AKAP13: variants seen among roughly 807,000 people sequenced by gnomAD.
The protein encoded by AKAP13 is A-kinase anchor protein 13.
AKAP13 carries 80 observed loss-of-function variants against 264.5 expected under a neutral mutation model. The ratio of observed to expected loss-of-function variants is 0.30; its 90% confidence interval spans 0.25 to 0.36. AKAP13 has a LOEUF of 0.36. AKAP13 is among the 10% of genes least tolerant of loss of function. The pLI is 1.00. For missense variants in AKAP13, 3,712 were observed against 3,435.2 expected (o/e 1.08, Z -2.01); for synonymous variants, 1,380 against 1,250.2 (o/e 1.10, Z -2.19).
At chr15:85,487,821 TC>T (rs2075605974) in intron 2 of AKAP13, among the ~76,000 whole-genome samples, 1 of 151,930 alleles carries the variant, frequency 6.6e-6, no homozygotes, top group African/African-American at 2.4e-5. Context: ...ATCGTGGAAC[TC>T]CTGGGATCAA....
intron 2 of AKAP13, among the ~76,000 whole-genome samples, chr15:85,500,212 C>G (rs1365284882): frequency 6.6e-6 from 1 of 152,100 alleles, no homozygotes; most frequent in African/African-American, 2.4e-5. Flanking sequence ...CTAAGAGGTG[C>G]TCTCCTAGTG....
At chr15:85,661,538 G>A (rs1254504147) in intron 12 of AKAP13, among the ~76,000 whole-genome samples, 1 of 152,020 alleles carries the variant, frequency 6.6e-6, no homozygotes, top group East Asian at 1.9e-4. Context: ...GACCAACATG[G>A]TGAAAGCCCA....
At position 85,442,456 on chromosome 15, in the gene AKAP13, A is replaced by G. The variant is rs113014493; in HGVS notation, c.-11-43254A>G. 2.4e-5 allele frequency among the ~76,000 whole-genome samples: 3 copies of G among 124,452 alleles called. No homozygotes were observed. The Admixed American group carries it at 2.6e-4, about 11-fold the overall frequency. 81.6% of individuals were successfully genotyped at this position (124,452 alleles called of 152,430 possible). A position where few individuals can be genotyped will look rare whatever the true frequency, so the allele number is the denominator to read the frequency against. ...TATATATAATATAAAATATACATAT[A>G]TAATATACATAATATATATTATATA... is the stretch of plus-strand genomic sequence containing the variant. On this transcript the variant is annotated intron_variant, in intron 1 of 36. Coordinates refer to ENST00000394518, the MANE Select transcript of AKAP13 (RefSeq NM_007200.5).
intron 8 of AKAP13, among the ~76,000 whole-genome samples, chr15:85,595,212 A>G (rs1596644859): frequency 6.6e-6 from 1 of 152,020 alleles, no homozygotes; most frequent in Admixed American, 6.6e-5. Context: ...TGATACTCCC[A>G]CCTCAGCCTC....
intron 8 of AKAP13, among the ~76,000 whole-genome samples, chr15:85,592,376 A>G (rs1465109406): frequency 6.6e-6 from 1 of 152,194 alleles, no homozygotes; most frequent in Non-Finnish European, 1.5e-5. Context: ...GACAGCCTCT[A>G]GGCTATTTGG....
intron 33 of AKAP13, 78 bp from the exon 34 acceptor site, chr15:85,740,144 T>A: frequency 7.0e-7 from 1 of 1,435,758 alleles, no homozygotes; most frequent in African/African-American, 1.4e-5. Flanking sequence ...AGCCATCTTA[T>A]CAGGTAAACA....
At chr15:85,498,846 C>T (rs530376743) in intron 2 of AKAP13, among the ~76,000 whole-genome samples, 95 of 152,256 alleles carry the variant, frequency 6.2e-4, no homozygotes, top group African/African-American at 2.2e-3. Context: ...CAGGTGTTTA[C>T]GCCCCATCTC....
At chr15:85,546,119 A>G (rs1307642264) in intron 5 of AKAP13, among the ~76,000 whole-genome samples, 1 of 152,156 alleles carries the variant, frequency 6.6e-6, no homozygotes, top group Admixed American at 6.5e-5. Flanking sequence ...AATGTCCTCA[A>G]GGTTCACCCA....
chr15:85,658,214 G>A (rs1415064372), intron 11 of AKAP13, among the ~76,000 whole-genome samples: 1 of 152,140 alleles, frequency 6.6e-6, no homozygotes, highest in African/African-American at 2.4e-5. Flanking sequence ...AGTATAACCT[G>A]AATTTTAAAG....
intron 8 of AKAP13, among the ~76,000 whole-genome samples, chr15:85,591,629 TAAGTTCAGAAA>T (rs147847566): frequency 0.75 from 112,920 of 151,128 alleles, 42,796 homozygotes; most frequent in African/African-American, 0.89. Context: ...ATTGAATACT[TAAGTTCAGAAA>T]AAGTTCAGAA....
intron 3 of AKAP13, among the ~76,000 whole-genome samples, chr15:85,525,122 G>C (rs1454398293): frequency 2.0e-5 from 3 of 147,546 alleles, no homozygotes; most frequent in African/African-American, 7.6e-5. Flanking sequence ...GCAGTGGCGC[G>C]ATCTCGGCTC....
rs138652758 is a variant in AKAP13, at chr15:85,447,439, C to T, written c.-11-38271C>T. On this transcript the variant is annotated intron_variant, in intron 1 of 36. Coordinates refer to ENST00000394518, the MANE Select transcript of AKAP13 (RefSeq NM_007200.5). The stretch of plus-strand genomic sequence containing the variant: ...TTGCTACACAGATAAACACATGTCA[C>T]GGGTGTTTGTTTTACATATTATTAC... Among the ~76,000 whole-genome samples the T allele has an allele frequency of 2.9e-3, 440 of 152,036 alleles. 2 individuals are homozygous for T. The highest frequency in any genetic ancestry group is 1.0e-2 in the African/African-American group (413 of 41,434).
intron 1 of AKAP13, among the ~76,000 whole-genome samples, chr15:85,418,050 A>T (rs1309098620): frequency 3.5e-5 from 5 of 143,438 alleles, no homozygotes; most frequent in Admixed American, 1.4e-4. Flanking sequence ...TTCATTATTT[A>T]TTATTATTAT....
chr15:85,472,459 T>C (rs1051495415), intron 1 of AKAP13, among the ~76,000 whole-genome samples: 6 of 152,200 alleles, frequency 3.9e-5, no homozygotes, highest in Non-Finnish European at 7.3e-5. Context: ...TAAGAGAAGC[T>C]TCAGTGTTCA....
intron 14 of AKAP13, among the ~76,000 whole-genome samples, chr15:85,680,683 G>A (rs1033360877): frequency 6.6e-6 from 1 of 152,042 alleles, no homozygotes; most frequent in Non-Finnish European, 1.5e-5. Flanking sequence ...TGGGCAACAT[G>A]GCGAGTCCCT....
chr15:85,698,928 A>T (rs1296121343), intron 17 of AKAP13, among the ~76,000 whole-genome samples: 1 of 133,990 alleles, frequency 7.5e-6, no homozygotes, highest in Non-Finnish European at 1.6e-5. Flanking sequence ...TGGGAAACAG[A>T]GCGAGACCTT....
In AKAP13 at chr15:85,581,689, G is replaced by A. The variant is rs149133963; in HGVS notation, c.3621G>A (p.Gly1207=). ...TDMELSAHDD[G]APAGVREVMR... ...TGGAGCTCTCAGCCCATGATGATGGGGCCCCAGCTGGTGTGAGGGAAGTCA... is the reference window on the plus strand; with the variant it reads ...TGGAGCTCTCAGCCCATGATGATGGAGCCCCAGCTGGTGTGAGGGAAGTCA... The change falls in exon 7 of 37, where the codon GGG becomes GGA. Residue 1207 remains glycine, a synonymous_variant. Coordinates refer to ENST00000394518, the MANE Select transcript of AKAP13 (RefSeq NM_007200.5). 11 of 1,613,990 alleles carry A rather than the reference G, an allele frequency of 6.8e-6. No homozygotes were observed. The highest frequency in any genetic ancestry group is 9.3e-6 in the Non-Finnish European group (11 of 1,180,036).
At chr15:85,517,315 C>G (rs1242688279) in intron 2 of AKAP13, among the ~76,000 whole-genome samples, 1 of 151,982 alleles carries the variant, frequency 6.6e-6, no homozygotes, top group Non-Finnish European at 1.5e-5. Flanking sequence ...TTTGACTCTT[C>G]CCATCCCCCA....
intron 4 of AKAP13, chr15:85,534,658 G>C (rs1300925181): frequency 2.0e-5 from 3 of 150,962 alleles, no homozygotes; most frequent in African/African-American, 7.3e-5. Context: ...GGCTGGTCTC[G>C]AACTCCTGAC....
Sources: allele counts gnomAD v4.1 joint callset (sites outside exome capture counted in the v4.1 genomes callset), GRCh38; gene constraint gnomAD v4.1.1; transcripts MANE v1.5; gene names NCBI Gene and HGNC (gene_info 2026-07-23, HGNC 2026-07-21).